Variants in ERI3 observed in about 807,000 individuals in gnomAD.
ERI3 encodes the protein ERI1 exoribonuclease family member 3, also known as ERI1 exoribonuclease 3.
Under a neutral mutation model 44.4 loss-of-function variants are expected in ERI3, and 18 were observed. That is an observed-to-expected ratio of 0.41 (90% CI 0.28 to 0.60). The LOEUF (loss-of-function observed/expected upper bound fraction) is 0.60, where lower values mean the gene tolerates loss of function less well. Among genes scored for constraint, ERI3 ranks in the 20% least tolerant of loss-of-function variants. The pLI is 0.36. For synonymous variants in ERI3, 183 were observed against 164.8 expected (o/e 1.11, Z -0.84); for missense variants, 294 against 435.5 (o/e 0.68, Z 2.89).
chr1:44,308,028 G>T (rs1017506016), intron 6 of ERI3, among the ~76,000 whole-genome samples: 2 of 152,104 alleles, frequency 1.3e-5, no homozygotes, highest in African/African-American at 4.8e-5. Context: ...CTCCCTTCCA[G>T]GGCAATAACA....
At chr1:44,301,776 T>C (rs325151) in intron 6 of ERI3, among the ~76,000 whole-genome samples, 3,591 of 152,190 alleles carry the variant, frequency 0.024, 145 homozygotes, top group African/African-American at 0.082. Context: ...AAAAGAGAAA[T>C]TGGGGCCTTT....
intron 6 of ERI3, among the ~76,000 whole-genome samples, chr1:44,301,029 G>C (rs1180995834): frequency 6.6e-6 from 1 of 151,200 alleles, no homozygotes; most frequent in Non-Finnish European, 1.5e-5. Flanking sequence ...GTGAGGGCCA[G>C]GATTCATTTC....
At chr1:44,282,490 A>G (rs1163481562) in intron 7 of ERI3, among the ~76,000 whole-genome samples, 1 of 151,982 alleles carries the variant, frequency 6.6e-6, no homozygotes, top group African/African-American at 2.4e-5. Flanking sequence ...CTTGGCAATG[A>G]CCTCTCTGGC....
At chr1:44,345,029 T>C (rs959578719) in intron 2 of ERI3, among the ~76,000 whole-genome samples, 1 of 152,202 alleles carries the variant, frequency 6.6e-6, no homozygotes, top group Non-Finnish European at 1.5e-5. Context: ...TTACTGTCTA[T>C]CAGGTAAATA....
At chr1:44,333,555 G>T (rs1646473382) in intron 3 of ERI3, among the ~76,000 whole-genome samples, 1 of 152,254 alleles carries the variant, frequency 6.6e-6, no homozygotes, top group South Asian at 2.1e-4. Flanking sequence ...GAGAAGGAAA[G>T]AAGCTAAACA....
chr1:44,308,849 T>C (rs1164154542), intron 5 of ERI3, among the ~76,000 whole-genome samples: 1 of 152,172 alleles, frequency 6.6e-6, no homozygotes, highest in Non-Finnish European at 1.5e-5. Context: ...CTACCAAATG[T>C]TTATTAACCA....
intron 7 of ERI3, chr1:44,284,199 GCTCA>G (rs1352039611): frequency 2.6e-6 from 1 of 385,552 alleles, no homozygotes; most frequent in Non-Finnish European, 5.2e-6. Context: ...CTCTGCCAGG[GCTCA>G]CTATCGTAGC....
chr1:44,320,175 G>C (rs994831913), intron 3 of ERI3, among the ~76,000 whole-genome samples: 2 of 152,162 alleles, frequency 1.3e-5, no homozygotes, highest in African/African-American at 4.8e-5. Flanking sequence ...AGATTTCCTT[G>C]TATGAAGTTT....
In ERI3 at chr1:44,299,764, G is replaced by T. The variant is rs566480207; in HGVS notation, c.758+8546C>A. On this transcript the variant is annotated intron_variant, in intron 6 of 8. Transcript: ENST00000372257. ...GGAGGTTGTGGCCTGGTGGGAAGCT[G>T]CATGGAACCTCTATTCCATGCCAGG... Among the ~76,000 whole-genome samples the T allele has an allele frequency of 9.9e-5, 15 of 152,280 alleles. No individual in the cohort carries two copies. In the South Asian group the frequency reaches 3.1e-3, roughly 32 times the overall value.
chr1:44,274,835 T>C (rs1645150973), intron 7 of ERI3, among the ~76,000 whole-genome samples: 1 of 152,174 alleles, frequency 6.6e-6, no homozygotes, highest in African/African-American at 2.4e-5. Context: ...TCTTATCCCA[T>C]GCCTGTGCTC....
intron 6 of ERI3, among the ~76,000 whole-genome samples, chr1:44,307,326 C>G (rs1645858584): frequency 6.6e-6 from 1 of 152,108 alleles, no homozygotes; most frequent in African/African-American, 2.4e-5. Context: ...GGAGATGACA[C>G]CTGATGTGGT....
intron 8 of ERI3, among the ~76,000 whole-genome samples, chr1:44,246,396 T>C (rs1644555165): frequency 6.6e-6 from 1 of 152,236 alleles, no homozygotes. Flanking sequence ...CCCAGGCATA[T>C]TACACTGCTG....
chr1:44,313,220 C>G lies in ERI3; in HGVS notation c.615G>C (p.Gly205=), dbSNP rs776405508. ...QLTPFCTELT[G]IIQAMVDGQP... is the part of the protein sequence containing the mutation. ...GACCATCCACCATGGCTTGAATAATCCCGGTGAGCTGAAAGGAAAGAGAAA... is the reference window on the plus strand; with the variant it reads ...GACCATCCACCATGGCTTGAATAATGCCGGTGAGCTGAAAGGAAAGAGAAA... The change falls in exon 5 of 9, where the codon GGG becomes GGC. Residue 205 remains glycine (G), a synonymous_variant. Coordinates refer to ENST00000372257, the MANE Select transcript of ERI3 (RefSeq NM_024066.3). 10 of 1,613,992 alleles carry G rather than the reference C, an allele frequency of 6.2e-6. No homozygotes were observed. Among genetic ancestry groups the G allele is most frequent in the Non-Finnish European group, 8.5e-7 (1 of 1,179,998 alleles).
At chr1:44,229,980 A>G (rs1283529940) in intron 8 of ERI3, among the ~76,000 whole-genome samples, 2 of 151,996 alleles carry the variant, frequency 1.3e-5, no homozygotes, top group African/African-American at 4.8e-5. Flanking sequence ...CCCATGGACC[A>G]CTCACGCGAC....
At chr1:44,327,396 T>A (rs1646338643) in intron 3 of ERI3, among the ~76,000 whole-genome samples, 1 of 152,242 alleles carries the variant, frequency 6.6e-6, no homozygotes, top group African/African-American at 2.4e-5. Flanking sequence ...TGGATCAGAA[T>A]AATACTAGTA....
At chr1:44,292,986 G>A (rs1458944376) in intron 6 of ERI3, among the ~76,000 whole-genome samples, 1 of 152,244 alleles carries the variant, frequency 6.6e-6, no homozygotes, top group African/African-American at 2.4e-5. Context: ...ACGAGAGCAA[G>A]GGAGCGGGAA....
intron 7 of ERI3, among the ~76,000 whole-genome samples, chr1:44,255,902 C>G (rs1227324862): frequency 6.6e-6 from 1 of 152,152 alleles, no homozygotes; most frequent in Non-Finnish European, 1.5e-5. Flanking sequence ...CTGCCTTCTC[C>G]CACATTTTGT....
chr1:44,290,925 G>A (rs1402643859), intron 6 of ERI3, among the ~76,000 whole-genome samples: 1 of 152,182 alleles, frequency 6.6e-6, no homozygotes, highest in Non-Finnish European at 1.5e-5. Context: ...AGAGGGGAAG[G>A]CTGAGCTTAC....
At chr1:44,270,475 A>AGTGTTG (rs2154321399) in intron 7 of ERI3, among the ~76,000 whole-genome samples, 1 of 152,304 alleles carries the variant, frequency 6.6e-6, no homozygotes, top group South Asian at 2.1e-4. Context: ...ACTGGCCCAA[A>AGTGTTG]GTGTTGGAGT....
Sources: allele counts gnomAD v4.1 joint callset (sites outside exome capture counted in the v4.1 genomes callset), GRCh38; gene constraint gnomAD v4.1.1; transcripts MANE v1.5; gene names NCBI Gene and HGNC (gene_info 2026-07-23, HGNC 2026-07-21).